The following BABAM2 variants were observed in gnomAD, a reference collection of about 807,000 sequenced individuals.
BABAM2 encodes the protein BRISC and BRCA1 A complex member 2.
Under a neutral mutation model 54.7 loss-of-function variants are expected in BABAM2, and 31 were observed. That is an observed-to-expected ratio of 0.57 (90% CI 0.43 to 0.77). The LOEUF (loss-of-function observed/expected upper bound fraction) is 0.77. BABAM2 is among the 30% of genes least tolerant of loss of function. BABAM2 has a pLI of 0.00. For synonymous variants in BABAM2, 167 were observed against 162.9 expected, an observed-to-expected ratio of 1.03 and a Z score of -0.19; for missense variants, 364 against 455.8, an observed-to-expected ratio of 0.80 and a Z score of 1.83.
chr2:28,157,599 T>C (rs1672669365), intron 7 of BABAM2, among the ~76,000 whole-genome samples: 1 of 152,172 alleles, frequency 6.6e-6, no homozygotes, highest in South Asian at 2.1e-4. Flanking sequence ...GTATTAACCC[T>C]GTTCAGCAAA....
At chr2:28,072,679 C>T (rs1259057921) in intron 6 of BABAM2, among the ~76,000 whole-genome samples, 1 of 152,146 alleles carries the variant, frequency 6.6e-6, no homozygotes, top group African/African-American at 2.4e-5. Flanking sequence ...GCCACTGTGC[C>T]CGGCCAGCCT....
intron 10 of BABAM2, among the ~76,000 whole-genome samples, chr2:28,276,506 GC>G (rs1685894344): frequency 6.6e-6 from 1 of 152,154 alleles, no homozygotes; most frequent in East Asian, 1.9e-4. Context: ...TTCATCTCTG[GC>G]CTTTGAAAGA....
intron 10 of BABAM2, among the ~76,000 whole-genome samples, chr2:28,261,771 C>T (rs1017320696): frequency 4.7e-5 from 7 of 149,868 alleles, no homozygotes; most frequent in African/African-American, 1.7e-4. Flanking sequence ...CTCCTTTCCC[C>T]TCCCCTCCCC....
At chr2:28,212,377 G>T (rs942550675) in intron 7 of BABAM2, among the ~76,000 whole-genome samples, 1 of 152,034 alleles carries the variant, frequency 6.6e-6, no homozygotes. Context: ...TTTAATTTAG[G>T]TTTTTTCATC....
chr2:28,149,153 T>C (rs950344752), intron 7 of BABAM2, among the ~76,000 whole-genome samples: 2 of 152,226 alleles, frequency 1.3e-5, no homozygotes, highest in African/African-American at 4.8e-5. Context: ...GTGTTTTTAT[T>C]GTATTTTAAA....
At chr2:28,016,464 A>G (rs1674822459) in intron 4 of BABAM2, 1 of 1,280,900 alleles carries the variant, frequency 7.8e-7, no homozygotes, top group Admixed American at 1.7e-5. Context: ...TAGGCTACCC[A>G]TTTGTCCCAC....
chr2:28,148,353 C>A (rs1266587530), intron 7 of BABAM2, among the ~76,000 whole-genome samples: 1 of 152,080 alleles, frequency 6.6e-6, no homozygotes, highest in Non-Finnish European at 1.5e-5. Context: ...TGCAGGCAGC[C>A]CCCCACTAAT....
chr2:28,119,363 C>T (rs886188948), intron 6 of BABAM2, among the ~76,000 whole-genome samples: 1 of 152,084 alleles, frequency 6.6e-6, no homozygotes, highest in Non-Finnish European at 1.5e-5. Flanking sequence ...CAGTGAGGAC[C>T]CTGGCTATAC....
At chr2:28,180,020 T>C (rs1235755771) in intron 7 of BABAM2, among the ~76,000 whole-genome samples, 1 of 152,128 alleles carries the variant, frequency 6.6e-6, no homozygotes, top group Non-Finnish European at 1.5e-5. Context: ...AGAATTAATA[T>C]TGTTAAAATG....
At chr2:28,102,933 A>G (rs1211030048) in intron 6 of BABAM2, among the ~76,000 whole-genome samples, 1 of 152,208 alleles carries the variant, frequency 6.6e-6, no homozygotes, top group African/African-American at 2.4e-5. Context: ...TATAGGAATC[A>G]TGTAATAAAA....
chr2:28,136,798 G>T (rs1670585308), intron 7 of BABAM2, among the ~76,000 whole-genome samples: 1 of 152,118 alleles, frequency 6.6e-6, no homozygotes, highest in South Asian at 2.1e-4. Context: ...GGATAGCCTG[G>T]GATCTACAAG....
intron 1 of BABAM2, among the ~76,000 whole-genome samples, chr2:27,893,733 C>G (rs563341803): frequency 6.6e-6 from 1 of 152,048 alleles, no homozygotes; most frequent in South Asian, 2.1e-4. Flanking sequence ...CGGTGGCTCA[C>G]GCCTGTAATC....
At position 28,285,807 on chromosome 2, in the gene BABAM2, C is replaced by T. The variant is rs866323019; in HGVS notation, c.935-12531C>T. On this transcript the variant is annotated intron_variant, in intron 10 of 11. Transcript: ENST00000379624. The stretch of plus-strand genomic sequence containing the variant: ...CTTATCTCAAACTCCTGGGCTCAAG[C>T]GATCCTCCCGCCTAGGCTCCCAAAG... Among the ~76,000 whole-genome samples, 123 of 151,922 alleles carry T rather than the reference C, an allele frequency of 8.1e-4. 1 individual carries two copies. The highest frequency in any genetic ancestry group is 2.8e-3 in the African/African-American group (116 of 41,432).
chr2:28,201,563 C>G (rs981734883), intron 7 of BABAM2, among the ~76,000 whole-genome samples: 1 of 152,042 alleles, frequency 6.6e-6, no homozygotes, highest in Non-Finnish European at 1.5e-5. Flanking sequence ...TGTTTGTGGC[C>G]TTAGTTGTCA....
chr2:27,900,571 G>A (rs1322086967), intron 2 of BABAM2, among the ~76,000 whole-genome samples: 1 of 152,092 alleles, frequency 6.6e-6, no homozygotes, highest in Non-Finnish European at 1.5e-5. Context: ...TAGTAAGTAG[G>A]ATTTGAATGG....
intron 7 of BABAM2, among the ~76,000 whole-genome samples, chr2:28,171,638 T>C (rs1674335063): frequency 6.6e-6 from 1 of 152,236 alleles, no homozygotes; most frequent in Admixed American, 6.5e-5. Context: ...GTTCTGATTG[T>C]TTTCCATGTT....
At chr2:28,013,544 A>G (rs1674557773) in intron 4 of BABAM2, among the ~76,000 whole-genome samples, 1 of 151,914 alleles carries the variant, frequency 6.6e-6, no homozygotes, top group Non-Finnish European at 1.5e-5. Context: ...TGTCCTCCTC[A>G]AGAATATATA....
At chr2:27,946,933 T>C (rs1320635131) in intron 3 of BABAM2, among the ~76,000 whole-genome samples, 1 of 152,352 alleles carries the variant, frequency 6.6e-6, no homozygotes. Flanking sequence ...TGACCTGTAC[T>C]CATTTCCCCT....
At chr2:28,023,169 G>C (rs1207736829) in intron 4 of BABAM2, among the ~76,000 whole-genome samples, 1 of 152,192 alleles carries the variant, frequency 6.6e-6, no homozygotes, top group Non-Finnish European at 1.5e-5. Context: ...ATGAATTCAA[G>C]TTGGTAAGGT....
Sources: allele counts gnomAD v4.1 joint callset (sites outside exome capture counted in the v4.1 genomes callset), GRCh38; gene constraint gnomAD v4.1.1; transcripts MANE v1.5; gene names NCBI Gene and HGNC (gene_info 2026-07-23, HGNC 2026-07-21).